UPP2: variants seen among roughly 807,000 people sequenced by gnomAD.
UPP2 encodes the protein uridine phosphorylase 2, also known as UPase 2.
Under a neutral mutation model 26.7 loss-of-function variants are expected in UPP2, and 23 were observed. The observed-to-expected ratio is 0.86, with a 90% CI of 0.62 to 1.22. The LOEUF (loss-of-function observed/expected upper bound fraction) is 1.22, where lower values mean the gene tolerates loss of function less well. UPP2 is among the 50% of genes most tolerant of loss of function. The pLI is 0.00. For synonymous variants in UPP2, 127 were observed against 141.3 expected, an observed-to-expected ratio of 0.90 and a Z score of 0.72; for missense variants, 387 against 396.7, an observed-to-expected ratio of 0.98 and a Z score of 0.21.
chr2:158,093,640 G>A (rs1186647205), intron 3 of UPP2, among the ~76,000 whole-genome samples: 2 of 152,016 alleles, frequency 1.3e-5, no homozygotes, highest in African/African-American at 4.8e-5. Flanking sequence ...AGTAATCAGG[G>A]AAATGAAATA....
intron 3 of UPP2, 107 bp from the exon 4 acceptor site, chr2:158,117,717 T>C (rs1683470945): frequency 1.2e-6 from 1 of 843,640 alleles, no homozygotes; most frequent in Non-Finnish European, 1.9e-6. Flanking sequence ...TCTTAATGAT[T>C]ATGTAAATGT....
Position 158,134,788 on chromosome 2 carries a change from T to C in UPP2, c.852T>C (p.Cys284=), listed in dbSNP as rs78052452. Residue 284 remains cysteine, a synonymous_variant, in exon 7 of 7, where the codon TGT becomes TGC. Transcript: ENST00000005756. ...TGACACTTCTCGACAGACTCGACTG[T>C]GATCAGATCAACTTGCCTCATGATG... The part of the protein sequence containing the change: ...VCVTLLDRLD[C]DQINLPHDVL... 1,338 of 1,613,680 alleles carry C rather than the reference T, an allele frequency of 8.3e-4. 7 individuals carry two copies. The African/African-American group carries it at 0.015, about 18-fold the overall frequency.
chr2:158,122,770 T>C (rs1312017237), intron 5 of UPP2, among the ~76,000 whole-genome samples: 1 of 152,204 alleles, frequency 6.6e-6, no homozygotes, highest in Admixed American at 6.5e-5. Flanking sequence ...GGGGCTACAT[T>C]TGCTGAAGGT....
chr2:158,078,714 T>A (rs560781120), intron 3 of UPP2, among the ~76,000 whole-genome samples: 3 of 152,126 alleles, frequency 2.0e-5, no homozygotes, highest in Non-Finnish European at 4.4e-5. Flanking sequence ...GAAGACCTAG[T>A]ATTTGACAGC....
chr2:158,043,633 G>A (rs556336449), intron 3 of UPP2, among the ~76,000 whole-genome samples: 81 of 152,334 alleles, frequency 5.3e-4, no homozygotes, highest in African/African-American at 1.9e-3. Flanking sequence ...GGAGAGGCCA[G>A]TCAGGGGAGA....
intron 3 of UPP2, among the ~76,000 whole-genome samples, chr2:158,044,752 C>T (rs1424430865): frequency 3.9e-5 from 6 of 152,128 alleles, no homozygotes; most frequent in African/African-American, 1.4e-4. Flanking sequence ...GCCAAATAAA[C>T]TAACAAAAGG....
At chr2:158,011,329 ACT>A (rs1213049472) in intron 2 of UPP2, among the ~76,000 whole-genome samples, 1 of 151,696 alleles carries the variant, frequency 6.6e-6, no homozygotes, top group Non-Finnish European at 1.5e-5. Context: ...TGCCAGCAGG[ACT>A]CTTTCTCCCT....
chr2:158,074,924 GA>G (rs1231814305), intron 3 of UPP2, among the ~76,000 whole-genome samples: 2 of 151,128 alleles, frequency 1.3e-5, no homozygotes, highest in Admixed American at 6.6e-5. Context: ...TAAAGGGCTG[GA>G]AAAAGACATT....
chr2:158,047,743 C>G (rs1176995711), intron 3 of UPP2, among the ~76,000 whole-genome samples: 1 of 152,186 alleles, frequency 6.6e-6, no homozygotes, highest in Non-Finnish European at 1.5e-5. Flanking sequence ...GCATATCATC[C>G]TTTATCCTAT....
At chr2:158,104,853 G>A (rs1298461992) in intron 1 of UPP2, among the ~76,000 whole-genome samples, 1 of 150,616 alleles carries the variant, frequency 6.6e-6, no homozygotes, top group African/African-American at 2.4e-5. Context: ...ACCAGGAGGC[G>A]GAGGTTGCAG....
intron 3 of UPP2, among the ~76,000 whole-genome samples, chr2:158,034,836 A>G (rs1280715734): frequency 6.6e-6 from 1 of 152,178 alleles, no homozygotes; most frequent in African/African-American, 2.4e-5. Flanking sequence ...GAGGCCTTAA[A>G]CTGAGGTCAC....
At chr2:158,051,775 C>G (rs1682162642) in intron 3 of UPP2, among the ~76,000 whole-genome samples, 1 of 72,160 alleles carries the variant, frequency 1.4e-5, no homozygotes, top group Non-Finnish European at 2.9e-5. Flanking sequence ...GGCAAGACTC[C>G]ACCTCAACAA....
chr2:158,003,409 C>T (rs115895608), intron 2 of UPP2, among the ~76,000 whole-genome samples: 1 of 152,002 alleles, frequency 6.6e-6, no homozygotes, highest in Non-Finnish European at 1.5e-5. Context: ...AATAAATATA[C>T]ATATAGAAAG....
At chr2:158,055,961 T>C (rs1682239487) in intron 3 of UPP2, among the ~76,000 whole-genome samples, 2 of 152,160 alleles carry the variant, frequency 1.3e-5, no homozygotes, top group Non-Finnish European at 2.9e-5. Flanking sequence ...AGTGAATGAA[T>C]GGAAGGTTAA....
At chr2:158,077,045 A>T (rs573679482) in intron 3 of UPP2, among the ~76,000 whole-genome samples, 7 of 152,226 alleles carry the variant, frequency 4.6e-5, no homozygotes, top group African/African-American at 1.7e-4. Context: ...GTGAAAAAGA[A>T]ACAAAAAAGT....
At chr2:158,004,668 T>G (rs927996035) in intron 2 of UPP2, among the ~76,000 whole-genome samples, 11 of 152,338 alleles carry the variant, frequency 7.2e-5, no homozygotes, top group African/African-American at 2.6e-4. Flanking sequence ...CGCCCAACTT[T>G]CTGTGCTTCC....
At chr2:158,076,068 A>T (rs1416958514) in intron 3 of UPP2, among the ~76,000 whole-genome samples, 2 of 151,968 alleles carry the variant, frequency 1.3e-5, no homozygotes, top group African/African-American at 4.8e-5. Flanking sequence ...TAAATTGGAA[A>T]ATCTGGAAGA....
At chr2:158,065,727 G>C (rs1682424226) in intron 3 of UPP2, 1 of 666,130 alleles carries the variant, frequency 1.5e-6, no homozygotes, top group African/African-American at 1.8e-5. Flanking sequence ...TCTGGAGAAA[G>C]AAGGTACCCA....
intron 2 of UPP2, among the ~76,000 whole-genome samples, chr2:158,003,158 G>T (rs1327852947): frequency 6.6e-6 from 1 of 152,084 alleles, no homozygotes; most frequent in Middle Eastern, 3.2e-3. Context: ...CAACTTAGGG[G>T]GCTCAGGGAG....
Sources: gnomAD v4.1 joint callset for allele counts (sites outside exome capture counted in the v4.1 genomes callset) on GRCh38, gnomAD v4.1.1 for gene constraint, MANE v1.5 for transcripts, NCBI Gene and HGNC (gene_info 2026-07-23, HGNC 2026-07-21) for gene names.